SGCZ: variants seen among roughly 807,000 people sequenced by gnomAD.
The protein encoded by SGCZ is sarcoglycan zeta, also known as zeta-sarcoglycan.
Under a neutral mutation model 41.3 loss-of-function variants are expected in SGCZ, and 40 were observed. The ratio of observed to expected loss-of-function variants is 0.97; its 90% confidence interval spans 0.75 to 1.26. The LOEUF is 1.26. Among genes scored for constraint, SGCZ ranks in the 50% most tolerant of loss-of-function variants. SGCZ has a pLI of 0.00. For synonymous variants in SGCZ, 206 were observed against 137.5 expected (o/e 1.50, Z -3.49); for missense variants, 552 against 369.8 (o/e 1.49, Z -4.04).
intron 3 of SGCZ, among the ~76,000 whole-genome samples, chr8:14,312,463 GC>G (rs1029457038): frequency 1.6e-4 from 24 of 152,052 alleles, no homozygotes; most frequent in African/African-American, 5.6e-4. Context: ...ATTTCTTTTG[GC>G]TTCATTATAA....
chr8:14,685,495 T>C (rs1345216201), intron 1 of SGCZ, among the ~76,000 whole-genome samples: 1 of 152,126 alleles, frequency 6.6e-6, no homozygotes, highest in African/African-American at 2.4e-5. Context: ...TATGACAATC[T>C]CAATTTACAA....
At chr8:15,225,770 C>A (rs576471421) in intron 1 of SGCZ, among the ~76,000 whole-genome samples, 1 of 152,250 alleles carries the variant, frequency 6.6e-6, no homozygotes, top group South Asian at 2.1e-4. Context: ...GTCAGGAAAC[C>A]AGGTGGTTCC....
At chr8:14,668,226 C>G (rs2117502197) in intron 1 of SGCZ, among the ~76,000 whole-genome samples, 1 of 152,298 alleles carries the variant, frequency 6.6e-6, no homozygotes, top group South Asian at 2.1e-4. Flanking sequence ...TCCCAAAGTG[C>G]TGGGATTACA....
In SGCZ at chr8:14,762,704, T is replaced by C. The variant is rs1206254934; in HGVS notation, c.40-207778A>G. 3.9e-5 allele frequency among the ~76,000 whole-genome samples: 6 copies of C among 152,220 alleles called. No individual in the cohort carries two copies. In the East Asian group the frequency reaches 9.6e-4, roughly 24 times the overall value. On this transcript the variant is annotated intron_variant, in intron 1 of 7. Coordinates refer to ENST00000382080, the MANE Select transcript of SGCZ (RefSeq NM_139167.4). Reference sequence around the variant, plus strand: ...GTTGAACTTTATCTTTTTTCTGTCTTCTACAGTGTATATGTTTATTTGCTG... The same window carrying C: ...GTTGAACTTTATCTTTTTTCTGTCTCCTACAGTGTATATGTTTATTTGCTG...
At chr8:14,654,887 G>A (rs986992182) in intron 1 of SGCZ, among the ~76,000 whole-genome samples, 18 of 151,858 alleles carry the variant, frequency 1.2e-4, no homozygotes, top group Admixed American at 4.6e-4. Flanking sequence ...GGCTGGTTTC[G>A]AACTCCTGAC....
intron 5 of SGCZ, among the ~76,000 whole-genome samples, chr8:14,139,417 A>C (rs1333623327): frequency 6.6e-6 from 1 of 152,196 alleles, no homozygotes; most frequent in Non-Finnish European, 1.5e-5. Flanking sequence ...TGGCTTTTGA[A>C]ATGATTAACA....
At chr8:14,487,177 G>T (rs1801699004) in intron 2 of SGCZ, among the ~76,000 whole-genome samples, 1 of 152,042 alleles carries the variant, frequency 6.6e-6, no homozygotes, top group Non-Finnish European at 1.5e-5. Context: ...TATGATCATG[G>T]TCCTTTAACA....
At chr8:14,583,712 G>A (rs1386349646) in intron 1 of SGCZ, among the ~76,000 whole-genome samples, 4 of 152,094 alleles carry the variant, frequency 2.6e-5, no homozygotes, top group South Asian at 2.1e-4. Context: ...AATCTTCTGT[G>A]AATAATTTGT....
intron 5 of SGCZ, among the ~76,000 whole-genome samples, chr8:14,159,736 C>T (rs1803983425): frequency 6.6e-6 from 1 of 152,132 alleles, no homozygotes; most frequent in Admixed American, 6.5e-5. Context: ...AGTGTTACCG[C>T]ATTCTTGGCA....
At chr8:15,170,786 G>C (rs960079454) in intron 1 of SGCZ, among the ~76,000 whole-genome samples, 6 of 152,018 alleles carry the variant, frequency 3.9e-5, no homozygotes, top group Non-Finnish European at 8.8e-5. Context: ...GCTCCCTATA[G>C]GAATAAAAAA....
chr8:14,304,591 A>G (rs1177450671), intron 3 of SGCZ, among the ~76,000 whole-genome samples: 1 of 152,192 alleles, frequency 6.6e-6, no homozygotes, highest in African/African-American at 2.4e-5. Context: ...TCTCTAAGAA[A>G]GTGAAAATGA....
intron 2 of SGCZ, among the ~76,000 whole-genome samples, chr8:14,457,943 T>C (rs1193704450): frequency 1.3e-5 from 2 of 152,114 alleles, no homozygotes; most frequent in African/African-American, 4.8e-5. Flanking sequence ...TTGTCTTGTG[T>C]CTTTATTTCT....
At chr8:14,388,944 G>C (rs568021907) in intron 2 of SGCZ, among the ~76,000 whole-genome samples, 1 of 151,740 alleles carries the variant, frequency 6.6e-6, no homozygotes, top group African/African-American at 2.4e-5. Flanking sequence ...AAAATTATCT[G>C]AATAACATTG....
chr8:14,579,014 G>A (rs1437673201), intron 1 of SGCZ, among the ~76,000 whole-genome samples: 5 of 151,986 alleles, frequency 3.3e-5, no homozygotes, highest in Non-Finnish European at 7.4e-5. Flanking sequence ...AGAATTTAAT[G>A]ATCTTTGCCT....
At chr8:14,554,448 T>C (rs1216973572) in intron 2 of SGCZ, among the ~76,000 whole-genome samples, 1 of 152,068 alleles carries the variant, frequency 6.6e-6, no homozygotes, top group East Asian at 1.9e-4. Context: ...TAATAGTTCA[T>C]ACTTACTGGT....
At chr8:14,690,627 G>T (rs2117569072) in intron 1 of SGCZ, 1 of 152,266 alleles carries the variant, frequency 6.6e-6, no homozygotes, top group East Asian at 1.9e-4. Context: ...TTGGTTTCTA[G>T]TCACACATTT....
At chr8:14,162,309 A>T (rs77285746) in intron 5 of SGCZ, among the ~76,000 whole-genome samples, 2,273 of 152,258 alleles carry the variant, frequency 0.015, 27 homozygotes, top group Non-Finnish European at 0.024. Context: ...GATTAAATAA[A>T]TTTTTGATAA....
At chr8:14,806,119 G>A (rs565527478) in intron 1 of SGCZ, among the ~76,000 whole-genome samples, 42 of 152,000 alleles carry the variant, frequency 2.8e-4, no homozygotes, top group Non-Finnish European at 4.3e-4. Flanking sequence ...ATGCCCACAA[G>A]AGAAAGCAGG....
rs73526112 is a variant in SGCZ, at chr8:14,189,268, T to C, written c.425-24566A>G. ...CATCTTGTTGCTTTACTTCCCAATA[T>C]ATCTTCTTCACACAGAAGCCAGAGT... is the stretch of plus-strand genomic sequence containing the variant. On this transcript the variant is annotated intron_variant, in intron 4 of 7. Coordinates refer to ENST00000382080, the MANE Select transcript of SGCZ (RefSeq NM_139167.4). Among the ~76,000 whole-genome samples the C allele has an allele frequency of 4.5e-3, 682 of 152,258 alleles. 7 individuals carry two copies. Among genetic ancestry groups the C allele is most frequent in the African/African-American group, 0.015 (636 of 41,562 alleles).
Sources: gnomAD v4.1 joint callset for allele counts (sites outside exome capture counted in the v4.1 genomes callset) on GRCh38, gnomAD v4.1.1 for gene constraint, MANE v1.5 for transcripts, NCBI Gene and HGNC (gene_info 2026-07-23, HGNC 2026-07-21) for gene names.